KIF2A: variants seen among roughly 807,000 people sequenced by gnomAD.
KIF2A encodes the protein kinesin family member 2A.
KIF2A carries 22 observed loss-of-function variants against 100.2 expected under a neutral mutation model. That is an observed-to-expected ratio of 0.22 (90% CI 0.16 to 0.31). The LOEUF (loss-of-function observed/expected upper bound fraction) is 0.31. Among genes scored for constraint, KIF2A ranks in the 10% least tolerant of loss-of-function variants. The probability of loss-of-function intolerance (pLI) is 1.00; values close to 1 mark genes in which losing one functional copy is unlikely to be tolerated. For missense variants in KIF2A, 495 were observed against 898.7 expected, an observed-to-expected ratio of 0.55 and a Z score of 5.74; for synonymous variants, 268 against 285.9, an observed-to-expected ratio of 0.94 and a Z score of 0.63.
intron 1 of KIF2A, among the ~76,000 whole-genome samples, chr5:62,339,586 A>G (rs1747174804): frequency 7.3e-6 from 1 of 136,058 alleles, no homozygotes; most frequent in Middle Eastern, 4.0e-3. Flanking sequence ...CAGTACACAT[A>G]TGTAAGAATG....
At chr5:62,361,577 A>T in intron 11 of KIF2A, 48 bp downstream of exon 11, 1 of 1,060,710 alleles carries the variant, frequency 9.4e-7, no homozygotes, top group Non-Finnish European at 1.4e-6. Context: ...CTGTGGTATT[A>T]TTCAGGTAAC....
intron 1 of KIF2A, among the ~76,000 whole-genome samples, chr5:62,319,655 A>C (rs1427294016): frequency 1.3e-5 from 2 of 152,240 alleles, no homozygotes; most frequent in African/African-American, 4.8e-5. Flanking sequence ...CTGTTTGCTG[A>C]ATCAGTGACT....
At chr5:62,361,696 T>C (rs1748417308) in intron 11 of KIF2A, among the ~76,000 whole-genome samples, 167 bp downstream of exon 11, 2 of 144,856 alleles carry the variant, frequency 1.4e-5, no homozygotes, top group Non-Finnish European at 3.0e-5. Context: ...TAAGATTATA[T>C]ATTCACAATA....
intron 1 of KIF2A, among the ~76,000 whole-genome samples, chr5:62,330,338 GAAAAAGAAAGAGAAA>G (rs932004211): frequency 1.3e-5 from 2 of 151,878 alleles, no homozygotes; most frequent in East Asian, 1.9e-4. Context: ...GCGAGAGTGA[GAAAAAGAAAGAGAAA>G]AAAAAGAAAG....
chr5:62,344,984 G>A (rs1375343999), intron 1 of KIF2A, among the ~76,000 whole-genome samples: 7 of 152,316 alleles, frequency 4.6e-5, no homozygotes, highest in Admixed American at 3.3e-4. Flanking sequence ...GGTGGCTCAC[G>A]CCTGTAGTCC....
chr5:62,315,049 C>CACT (rs963150887), intron 1 of KIF2A, among the ~76,000 whole-genome samples: 61 of 152,078 alleles, frequency 4.0e-4, no homozygotes, highest in African/African-American at 1.5e-3. Context: ...AGGTGTGAGC[C>CACT]ACTACACCCG....
intron 16 of KIF2A, among the ~76,000 whole-genome samples, chr5:62,367,590 A>G (rs959441615): frequency 3.3e-5 from 5 of 152,108 alleles, no homozygotes; most frequent in Non-Finnish European, 7.4e-5. Context: ...TATATGGGTT[A>G]CATTTTGTTA....
intron 1 of KIF2A, among the ~76,000 whole-genome samples, chr5:62,328,189 G>C (rs1436545113): frequency 6.6e-6 from 1 of 151,838 alleles, no homozygotes; most frequent in Non-Finnish European, 1.5e-5. Context: ...AGATACATTT[G>C]GTATATATTC....
rs370529406 is a variant in KIF2A at position 62,331,963 on chromosome 5, A to G, written c.65-15167A>G. On this transcript the variant is annotated intron_variant, in intron 1 of 20. Transcript: ENST00000407818. ...TCTGACTTTTAAATACTTGTAATGA[A>G]ATTTTATTAGTATTCTTGGCTGACT... Among the ~76,000 whole-genome samples, 27 of 152,240 alleles carry G rather than the reference A, an allele frequency of 1.8e-4. 1 individual carries two copies. In the East Asian group the frequency reaches 3.5e-3, roughly 20 times the overall value.
chr5:62,327,219 T>A (rs1161402790), intron 1 of KIF2A, among the ~76,000 whole-genome samples: 1 of 152,214 alleles, frequency 6.6e-6, no homozygotes, highest in Admixed American at 6.5e-5. Context: ...CTCTTAGTGG[T>A]CAAATCCACT....
intron 1 of KIF2A, among the ~76,000 whole-genome samples, chr5:62,341,639 T>C (rs1234196266): frequency 6.6e-6 from 1 of 152,162 alleles, no homozygotes; most frequent in Non-Finnish European, 1.5e-5. Context: ...CCAATCTCTC[T>C]AGCCTGTCTT....
chr5:62,350,682 C>T (rs35434246), intron 4 of KIF2A, among the ~76,000 whole-genome samples: 137 of 152,032 alleles, frequency 9.0e-4, no homozygotes, highest in African/African-American at 3.1e-3. Context: ...GAGGCTGAGG[C>T]GGGTGGATCA....
intron 1 of KIF2A, among the ~76,000 whole-genome samples, chr5:62,312,394 G>A (rs1745598377): frequency 6.6e-6 from 1 of 152,210 alleles, no homozygotes; most frequent in Admixed American, 6.5e-5. Context: ...AGATCATCTA[G>A]ACCCCGTTCT....
intron 1 of KIF2A, among the ~76,000 whole-genome samples, chr5:62,341,833 A>G (rs1747310359): frequency 6.6e-6 from 1 of 152,106 alleles, no homozygotes. Flanking sequence ...CTTTTGGAAT[A>G]TCCACATATT....
At chr5:62,360,679 T>A (rs1207855585) in intron 9 of KIF2A, among the ~76,000 whole-genome samples, 2 of 152,004 alleles carry the variant, frequency 1.3e-5, no homozygotes, top group African/African-American at 4.8e-5. Flanking sequence ...AGAACGAGAC[T>A]TCGTCTCAAA....
Position 62,358,255 on chromosome 5 carries a change from T to G in KIF2A, c.828T>G (p.Phe276Leu). 1 of 1,601,664 alleles carries G rather than the reference T, an allele frequency of 6.2e-7. No individual in the cohort carries two copies. Among genetic ancestry groups the G allele is most frequent in the Non-Finnish European group, 8.5e-7 (1 of 1,176,158 alleles). ...ACCTAGAAAACCAAACATTTCGTTT[T>G]GATTATGCCTTTGATGACTCAGCTC... ...TRYLENQTFRFDYAFDDSAPN... is the reference protein window; with the variant it reads ...TRYLENQTFRLDYAFDDSAPN... The change falls in exon 9 of 21, where the codon TTT (phenylalanine) becomes TTG (leucine). Residue 276 changes from phenylalanine to leucine, a missense_variant. Around this residue, in one of 10 missense-constraint regions of KIF2A, gnomAD observed 109 missense variants for 244.2 expected, o/e 0.45. Coordinates refer to ENST00000407818, the MANE Select transcript of KIF2A (RefSeq NM_001098511.3).
intron 1 of KIF2A, among the ~76,000 whole-genome samples, chr5:62,314,050 C>T (rs1267168900): frequency 6.6e-6 from 1 of 152,092 alleles, no homozygotes; most frequent in South Asian, 2.1e-4. Context: ...CTTTGGCCTC[C>T]CAAAGTACTG....
chr5:62,310,070 CTT>C (rs5868308), intron 1 of KIF2A, among the ~76,000 whole-genome samples: 5 of 142,800 alleles, frequency 3.5e-5, no homozygotes, highest in Admixed American at 7.0e-5. Context: ...ACTAATAATT[CTT>C]TTTTTTTTTT....
rs536097746 is a variant in KIF2A at position 62,321,011 on chromosome 5, T to C, written c.64+14475T>C. On this transcript the variant is annotated intron_variant, in intron 1 of 20. Coordinates refer to ENST00000407818, the MANE Select transcript of KIF2A (RefSeq NM_001098511.3). ...TTGTAGATTTGTCTGTTTTGGACAT[T>C]GAGTATAAACGAAACTGTACAATAC... Among the ~76,000 whole-genome samples, 10 of 152,322 alleles carry C rather than the reference T, an allele frequency of 6.6e-5. No homozygotes were observed. The South Asian group carries it at 2.1e-3, about 32-fold the overall frequency.
Sources: allele counts gnomAD v4.1 joint callset (sites outside exome capture counted in the v4.1 genomes callset), GRCh38; gene constraint gnomAD v4.1.1; regional missense constraint gnomAD v4.1.1; transcripts MANE v1.5; gene names NCBI Gene and HGNC (gene_info 2026-07-23, HGNC 2026-07-21).